UTP11: variants seen among roughly 807,000 people sequenced by gnomAD.
The protein encoded by UTP11 is UTP11 small subunit processome component.
Under a neutral mutation model 39.0 loss-of-function variants are expected in UTP11, and 29 were observed. That is an observed-to-expected ratio of 0.74 (90% CI 0.55 to 1.01). UTP11 has a LOEUF of 1.01. UTP11 is among the 50% of genes least tolerant of loss of function. UTP11 has a pLI of 0.00. For missense variants in UTP11, 281 were observed against 306.0 expected, an observed-to-expected ratio of 0.92 and a Z score of 0.61; for synonymous variants, 111 against 105.0, an observed-to-expected ratio of 1.06 and a Z score of -0.35.
intron 1 of UTP11, among the ~76,000 whole-genome samples, chr1:38,013,749 C>T (rs1291132176): frequency 1.3e-5 from 2 of 152,070 alleles, no homozygotes; most frequent in African/African-American, 2.4e-5. Context: ...GAGTCTCACT[C>T]TGTTGCCCAG....
intron 2 of UTP11, 92 bp downstream of exon 2, chr1:38,016,512 A>G (rs781769105): frequency 1.6e-5 from 22 of 1,343,490 alleles, no homozygotes; most frequent in Admixed American, 1.0e-4. Flanking sequence ...AACAGGGGAT[A>G]ATTTCCTGCC....
Position 38,016,401 on chromosome 1 carries a change from G to C in UTP11, c.106G>C (p.Asp36His), listed in dbSNP as rs768972723. The change falls in exon 2 of 8, where the codon GAT (aspartate) becomes CAT (histidine). Residue 36 changes from aspartate to histidine, a missense_variant. Transcript: ENST00000373014. ...TCTGGGCCTGCTGGAGAAAAAGAAA[G>C]ATTACAAACTTCGTGCAGAGTGAGT... ...KHLGLLEKKK[D>H]YKLRADDYRK... is the part of the protein sequence containing the mutation. The C allele has an allele frequency of 6.2e-7, 1 of 1,614,204 alleles. No individual in the cohort carries two copies. Among genetic ancestry groups the C allele is most frequent in the South Asian group, 1.1e-5 (1 of 91,086 alleles).
chr1:38,018,487 G>T lies in UTP11; in HGVS notation c.252G>T (p.Glu84Asp), dbSNP rs758838339. 2 of 1,613,180 alleles carry T rather than the reference G, an allele frequency of 1.2e-6. No homozygotes were observed. Among genetic ancestry groups the T allele is most frequent in the Non-Finnish European group, 1.7e-6 (2 of 1,179,528 alleles). ...AGGATGGAGTACATATTATTAAGGA[G>T]ACTAAGGAAGAAGTAACCCCAGAAC... Reference protein sequence around the residue: ...KLQDGVHIIKETKEEVTPEQL... With the variant: ...KLQDGVHIIKDTKEEVTPEQL... The change falls in exon 4 of 8, where the codon GAG becomes GAT. Residue 84 changes from glutamate (E) to aspartate (D), a missense_variant. Transcript: ENST00000373014.
chr1:38,015,012 T>C (rs977498889), intron 1 of UTP11, among the ~76,000 whole-genome samples: 3 of 151,990 alleles, frequency 2.0e-5, no homozygotes, highest in African/African-American at 7.2e-5. Context: ...CCCAAATTAT[T>C]ATACAAGTTT....
rs565342678 is a variant in UTP11 at position 38,022,724 on chromosome 1, A to G, written c.593A>G (p.Gln198Arg). Residue 198 changes from glutamine to arginine, a missense_variant, in exon 7 of 8, where the codon CAG (glutamine) becomes CGG (arginine). Coordinates refer to ENST00000373014, the MANE Select transcript of UTP11 (RefSeq NM_016037.4). Reference protein sequence around the residue: ...LKRIAKERQKQYNCLTQRIER... With the variant: ...LKRIAKERQKRYNCLTQRIER... ...CGAATAGCTAAAGAAAGGCAAAAGC[A>G]GTATAACTGCCTGACACAGCGGATT... 2.7e-5 allele frequency: 44 copies of G among 1,614,002 alleles called. No individual in the cohort carries two copies. In the African/African-American group the frequency reaches 4.9e-4, roughly 18 times the overall value.
rs1247173132 is a variant in UTP11 at position 38,024,053 on chromosome 1, G to A, written c.*425G>A. On this transcript the variant is annotated 3_prime_UTR_variant, in exon 8 of 8. Coordinates refer to ENST00000373014, the MANE Select transcript of UTP11 (RefSeq NM_016037.4). ...AGGTTTTGCCATGTTGGCCAGGCTGGTTTTGAACTCGTGGCCTCAAGCGAT... is the reference window on the plus strand; with the variant it reads ...AGGTTTTGCCATGTTGGCCAGGCTGATTTTGAACTCGTGGCCTCAAGCGAT... 3 of 152,990 alleles carry A rather than the reference G, an allele frequency of 2.0e-5. No individual in the cohort carries two copies. Among genetic ancestry groups the A allele is most frequent in the African/African-American group, 7.2e-5 (3 of 41,412 alleles). 9.5% of individuals were successfully genotyped at this position (152,990 alleles called of 1,614,324 possible). A position where few individuals can be genotyped will look rare whatever the true frequency, so the allele number is the denominator to read the frequency against.
At chr1:38,023,433 G>C in intron 7 of UTP11, 112 bp from the exon 8 acceptor site, 1 of 880,442 alleles carries the variant, frequency 1.1e-6, no homozygotes, top group Non-Finnish European at 1.7e-6. Context: ...GGCTGTGTCC[G>C]TTCTCAACTT....
rs1646751932 is a variant in UTP11 at position 38,024,005 on chromosome 1, T to C, written c.*377T>C. ...GACATGTGCCACCATGTCTGAGTAATGTTTAAATTTTCTGTAGAGACCAGG... is the reference window on the plus strand; with the variant it reads ...GACATGTGCCACCATGTCTGAGTAACGTTTAAATTTTCTGTAGAGACCAGG... On this transcript the variant is annotated 3_prime_UTR_variant, in exon 8 of 8. Coordinates refer to ENST00000373014, the MANE Select transcript of UTP11 (RefSeq NM_016037.4). 1 of 155,822 alleles carries C rather than the reference T, an allele frequency of 6.4e-6. No homozygotes were observed. 9.7% of individuals were successfully genotyped at this position (155,822 alleles called of 1,614,324 possible). A position where few individuals can be genotyped will look rare whatever the true frequency, so the allele number is the denominator to read the frequency against.
rs946515220 is a variant in UTP11, at chr1:38,023,422, G to A, written c.679-123G>A. 29 of 748,210 alleles carry A rather than the reference G, an allele frequency of 3.9e-5. No individual in the cohort carries two copies. The African/African-American group carries it at 5.0e-4, about 13-fold the overall frequency. The allele number at this position is 748,210 out of a possible 1,614,324, so 46.3% of individuals were successfully genotyped here. A position where few individuals can be genotyped will look rare whatever the true frequency, so the allele number is the denominator to read the frequency against. ...CCTACAGTGGATGCCTTGGGCAGTA[G>A]GGCTGTGTCCGTTCTCAACTTTGAG... On this transcript the variant is annotated intron_variant, in intron 7 of 7. Coordinates refer to ENST00000373014, the MANE Select transcript of UTP11 (RefSeq NM_016037.4).
chr1:38,022,046 T>C (rs1439366618), intron 6 of UTP11, among the ~76,000 whole-genome samples: 2 of 152,200 alleles, frequency 1.3e-5, no homozygotes, highest in East Asian at 3.8e-4. Flanking sequence ...TCTTCTGCTT[T>C]CTGAGTGGTA....
chr1:38,015,013 A>G (rs566087532), intron 1 of UTP11, among the ~76,000 whole-genome samples: 4 of 151,910 alleles, frequency 2.6e-5, no homozygotes, highest in East Asian at 1.9e-4. Flanking sequence ...CCAAATTATT[A>G]TACAAGTTTT....
Position 38,017,714 on chromosome 1 carries a change from G to A in UTP11, c.172G>A (p.Ala58Thr), listed in dbSNP as rs1461538625. The A allele has an allele frequency of 1.9e-6, 3 of 1,609,794 alleles. No homozygotes were observed. The highest frequency in any genetic ancestry group is 2.3e-5 in the East Asian group (1 of 44,356). ...QEYLKALRKK[A>T]LEKNPDEFYY... ...ATACCTCAAAGCTCTTCGGAAGAAG[G>A]CTCTTGAAAAAAATCCAGATGAATT... Residue 58 changes from alanine (A) to threonine (T), a missense_variant, in exon 3 of 8, where the codon GCT (alanine) becomes ACT (threonine). Physicochemically the swap from Ala to Thr is moderately conservative, Grantham distance 58. Transcript: ENST00000373014.
chr1:38,024,560 G>A lies in UTP11; in HGVS notation c.*932G>A, dbSNP rs1242252623. The stretch of plus-strand genomic sequence containing the variant: ...TGGGACTACAGGCGCCCGCCACCGC[G>A]CCTGGCTAATTTTTTTTTGTATTTT... On this transcript the variant is annotated 3_prime_UTR_variant, in exon 8 of 8. Transcript: ENST00000373014. 3 of 151,570 alleles carry A rather than the reference G, an allele frequency of 2.0e-5. No homozygotes were observed. Among genetic ancestry groups the A allele is most frequent in the African/African-American group, 7.3e-5 (3 of 41,368 alleles). The allele number at this position is 151,570 out of a possible 1,614,324, so 9.4% of individuals were successfully genotyped here.
rs114380459 is a variant in UTP11 at position 38,023,669 on chromosome 1, G to C, written c.*41G>C. On this transcript the variant is annotated 3_prime_UTR_variant, in exon 8 of 8. Coordinates refer to ENST00000373014, the MANE Select transcript of UTP11 (RefSeq NM_016037.4). ...CCTTGTCATTCTGTATCAAAAATCT[G>C]TTGTCGTTTTCTAGTAACTTCAAAT... 2.5e-3 allele frequency: 3,943 copies of C among 1,560,964 alleles called. 10 individuals carry two copies. The highest frequency in any genetic ancestry group is 3.0e-3 in the Non-Finnish European group (3,490 of 1,151,192).
intron 1 of UTP11, among the ~76,000 whole-genome samples, chr1:38,015,699 G>T (rs1446749673): frequency 1.3e-5 from 2 of 152,170 alleles, no homozygotes; most frequent in Non-Finnish European, 2.9e-5. Flanking sequence ...CTACGTCAGA[G>T]AAAGTACTTT....
chr1:38,016,507 G>A, intron 2 of UTP11, 87 bp downstream of exon 2: 1 of 1,396,026 alleles, frequency 7.2e-7, no homozygotes, highest in Non-Finnish European at 1.0e-6. Flanking sequence ...TGTCCAACAG[G>A]GGATAATTTC....
rs373003991 is a variant in UTP11 at position 38,023,522 on chromosome 1, A to G, written c.679-23A>G. 9.4e-6 allele frequency: 15 copies of G among 1,597,452 alleles called. No individual in the cohort carries two copies. In the African/African-American group the frequency reaches 1.9e-4, roughly 20 times the overall value. Reference sequence around the variant, plus strand: ...CAAAACCATTTCCTTCTCTTTACTGATCACCTTTTTACTCTTTTGTAGGAT... The same window carrying G: ...CAAAACCATTTCCTTCTCTTTACTGGTCACCTTTTTACTCTTTTGTAGGAT... On this transcript the variant is annotated intron_variant, in intron 7 of 7. Transcript: ENST00000373014.
In UTP11 at chr1:38,023,266, T is replaced by C. The variant is rs150860488; in HGVS notation, c.679-279T>C. Among the ~76,000 whole-genome samples the C allele has an allele frequency of 2.2e-3, 339 of 152,342 alleles. 2 individuals are homozygous for C. Among genetic ancestry groups the C allele is most frequent in the African/African-American group, 7.7e-3 (321 of 41,576 alleles). The stretch of plus-strand genomic sequence containing the variant: ...ATCATTTAGGTCAGCCTTTCTCAAC[T>C]GGGGTTCCGTGAGAGAATTAAAATT... On this transcript the variant is annotated intron_variant, in intron 7 of 7. Coordinates refer to ENST00000373014, the MANE Select transcript of UTP11 (RefSeq NM_016037.4).
intron 1 of UTP11, among the ~76,000 whole-genome samples, 177 bp downstream of exon 1, chr1:38,013,042 A>T: frequency 6.6e-6 from 1 of 152,072 alleles, no homozygotes; most frequent in East Asian, 1.9e-4. Context: ...AGTGGAGGGG[A>T]TTTGTCGTTT....
Sources: gnomAD v4.1 joint callset for allele counts (sites outside exome capture counted in the v4.1 genomes callset) on GRCh38, gnomAD v4.1.1 for gene constraint, MANE v1.5 for transcripts, NCBI Gene and HGNC (gene_info 2026-07-23, HGNC 2026-07-21) for gene names.